The following GABRB3 variants were observed in gnomAD, a reference collection of about 807,000 sequenced individuals.
GABRB3 encodes gamma-aminobutyric acid type A receptor subunit beta3.
Under a neutral mutation model 52.1 loss-of-function variants are expected in GABRB3, and 14 were observed. The observed-to-expected ratio is 0.27, with a 90% confidence interval of 0.18 to 0.42. GABRB3 has a LOEUF of 0.42. GABRB3 is among the 10% of genes least tolerant of loss of function. GABRB3 has a pLI of 1.00. For synonymous variants in GABRB3, 260 were observed against 232.3 expected, an observed-to-expected ratio of 1.12 and a Z score of -1.08; for missense variants, 307 against 609.1, an observed-to-expected ratio of 0.50 and a Z score of 5.22.
At chr15:26,657,111 TAACTC>T (rs1455017630) in intron 3 of GABRB3, 1 of 152,236 alleles carries the variant, frequency 6.6e-6, no homozygotes, top group Non-Finnish European at 1.5e-5. Context: ...CCATTCATCT[TAACTC>T]ACACCAGAAG....
intron 3 of GABRB3, among the ~76,000 whole-genome samples, chr15:26,665,430 C>T (rs565228324): frequency 2.6e-5 from 4 of 152,288 alleles, no homozygotes; most frequent in East Asian, 3.9e-4. Context: ...TGGATGTAAA[C>T]ATAAAATTAA....
Position 26,760,809 on chromosome 15 carries a change from G to GCGCACACACACACACA in GABRB3, c.240+11592_240+11593insTGTGTGTGTGTGTGCG, listed in dbSNP as rs371524450. Among the ~76,000 whole-genome samples the GCGCACACACACACACA allele has an allele frequency of 6.7e-5, 10 of 149,398 alleles. 1 individual carries two copies. The South Asian group carries it at 8.5e-4, about 13-fold the overall frequency. ...AATGCCAACACACACACACGCGCAC[G>GCGCACACACACACACA]CACACACACACACACACAAGCAAAC... On this transcript the variant is annotated intron_variant, in intron 3 of 8. Coordinates refer to ENST00000311550, the MANE Select transcript of GABRB3 (RefSeq NM_000814.6).
intron 4 of GABRB3, among the ~76,000 whole-genome samples, chr15:26,586,704 A>AAAAAAAAAAAAAAG (rs558336153): frequency 2.0e-5 from 2 of 102,252 alleles, no homozygotes; most frequent in East Asian, 4.0e-4. Flanking sequence ...AAAAAAAAAA[A>AAAAAAAAAAAAAAG]AGAGAGAGAG....
intron 8 of GABRB3, chr15:26,553,468 A>G (rs1315245938): frequency 6.6e-6 from 1 of 152,170 alleles, no homozygotes. Flanking sequence ...TGTTCTTTTC[A>G]ATAATACTAA....
chr15:26,547,268 CGA>C lies in GABRB3; in HGVS notation c.*523_*524del, dbSNP rs1406576056. The C allele has an allele frequency of 2.9e-6, 1 of 350,740 alleles. No homozygotes were observed. The highest frequency in any genetic ancestry group is 5.1e-6 in the Non-Finnish European group (1 of 196,476). The allele number at this position is 350,740 out of a possible 1,614,324, so 21.7% of individuals were successfully genotyped here. A position where few individuals can be genotyped will look rare whatever the true frequency, so the allele number is the denominator to read the frequency against. On this transcript the variant is annotated 3_prime_UTR_variant, in exon 9 of 9. Transcript: ENST00000311550. ...AGAAGCCTTTGCTTACTAAACTGAA[CGA>C]GAGGATATGAAGTAAGTGACTCATT...
chr15:26,698,746 C>T (rs1888830311), intron 3 of GABRB3, among the ~76,000 whole-genome samples: 1 of 152,134 alleles, frequency 6.6e-6, no homozygotes, highest in African/African-American at 2.4e-5. Flanking sequence ...TCCCCAAAGG[C>T]TCCCGCCTGG....
At chr15:26,613,802 A>G (rs766507416) in intron 4 of GABRB3, 2 of 152,206 alleles carry the variant, frequency 1.3e-5, no homozygotes, top group Non-Finnish European at 2.9e-5. Flanking sequence ...ACAACCCAGA[A>G]AGGTAATGTA....
At chr15:26,590,470 T>A (rs889341289) in intron 4 of GABRB3, among the ~76,000 whole-genome samples, 1 of 152,176 alleles carries the variant, frequency 6.6e-6, no homozygotes, top group Non-Finnish European at 1.5e-5. Context: ...GTTCCTCTGA[T>A]GCAGGATGCA....
intron 3 of GABRB3, among the ~76,000 whole-genome samples, chr15:26,692,452 T>A (rs1480668768): frequency 1.3e-5 from 2 of 152,336 alleles, no homozygotes; most frequent in Admixed American, 1.3e-4. Context: ...AATCTTTAGA[T>A]ATTAGTATTT....
chr15:26,757,173 T>C (rs1045355571), intron 3 of GABRB3, among the ~76,000 whole-genome samples: 5 of 152,202 alleles, frequency 3.3e-5, no homozygotes, highest in African/African-American at 1.2e-4. Context: ...TTTACCATTT[T>C]TTGCTATTCG....
intron 8 of GABRB3, among the ~76,000 whole-genome samples, chr15:26,558,267 G>A (rs1211294450): frequency 6.6e-6 from 1 of 152,132 alleles, no homozygotes. Flanking sequence ...CAGACCCTCA[G>A]TTTTCTGACC....
At chr15:26,589,500 T>A (rs1334712241) in intron 4 of GABRB3, among the ~76,000 whole-genome samples, 2 of 152,202 alleles carry the variant, frequency 1.3e-5, no homozygotes, top group Non-Finnish European at 2.9e-5. Context: ...CAGATTAAAA[T>A]GTCCATTGCA....
At chr15:26,748,329 C>G (rs957515363) in intron 3 of GABRB3, among the ~76,000 whole-genome samples, 1 of 152,066 alleles carries the variant, frequency 6.6e-6, no homozygotes, top group South Asian at 2.1e-4. Context: ...AATTCTCCAG[C>G]GAAATTATCT....
chr15:26,562,044 G>A (rs565024900), intron 7 of GABRB3, among the ~76,000 whole-genome samples: 4 of 152,124 alleles, frequency 2.6e-5, no homozygotes, highest in Non-Finnish European at 5.9e-5. Context: ...AACCATGTGT[G>A]GACCATGTAT....
chr15:26,696,465 T>C (rs1888744042), intron 3 of GABRB3, among the ~76,000 whole-genome samples: 1 of 152,170 alleles, frequency 6.6e-6, no homozygotes, highest in Non-Finnish European at 1.5e-5. Flanking sequence ...CACTCCAAAC[T>C]TTGGGACCTG....
At position 26,618,900 on chromosome 15, in the gene GABRB3, A is replaced by G. The variant is rs970244552; in HGVS notation, c.461+2414T>C. Among the ~76,000 whole-genome samples, 739 of 143,780 alleles carry G rather than the reference A, an allele frequency of 5.1e-3. 5 individuals carry two copies. The highest frequency in any genetic ancestry group is 0.018 in the African/African-American group (687 of 37,734). 94.3% of individuals were successfully genotyped at this position (143,780 alleles called of 152,430 possible). On this transcript the variant is annotated intron_variant, in intron 4 of 8. Coordinates refer to ENST00000311550, the MANE Select transcript of GABRB3 (RefSeq NM_000814.6). ...CTCAAAAGAAGACATTTATGCAGCC[A>G]AAAAACACATGAAAAAATGCTCACC...
At chr15:26,729,056 A>G (rs977136821) in intron 3 of GABRB3, among the ~76,000 whole-genome samples, 6 of 152,158 alleles carry the variant, frequency 3.9e-5, no homozygotes, top group African/African-American at 1.4e-4. Flanking sequence ...TAAGAAAGAT[A>G]CTTCACCTGT....
intron 3 of GABRB3, among the ~76,000 whole-genome samples, chr15:26,746,247 C>T (rs1423610965): frequency 1.3e-5 from 2 of 151,950 alleles, no homozygotes; most frequent in East Asian, 3.9e-4. Flanking sequence ...GCTTATTGGC[C>T]ATCTGTATAT....
chr15:26,734,975 A>T lies in GABRB3; in HGVS notation c.240+37427T>A, dbSNP rs373126957. Among the ~76,000 whole-genome samples the T allele has an allele frequency of 5.3e-5, 8 of 152,276 alleles. No individual in the cohort carries two copies. In the South Asian group the frequency reaches 1.0e-3, roughly 20 times the overall value. On this transcript the variant is annotated intron_variant, in intron 3 of 8. Transcript: ENST00000311550. ...ACAGGCAACCCACAAAATGGGAGAA[A>T]ATGTTTGCAAGTCATATATCTGATA...
Sources: gnomAD v4.1 joint callset for allele counts (sites outside exome capture counted in the v4.1 genomes callset) on GRCh38, gnomAD v4.1.1 for gene constraint, MANE v1.5 for transcripts, NCBI Gene and HGNC (gene_info 2026-07-23, HGNC 2026-07-21) for gene names.